LPAR1: variants seen among roughly 807,000 people sequenced by gnomAD.
The protein encoded by LPAR1 is lysophosphatidic acid receptor 1.
A neutral mutation model predicts 23.8 loss-of-function variants in LPAR1; 5 were observed. The observed-to-expected ratio is 0.21, with a 90% CI of 0.11 to 0.44. The LOEUF (loss-of-function observed/expected upper bound fraction) is 0.44, where lower values mean the gene tolerates loss of function less well. Among genes scored for constraint, LPAR1 ranks in the 20% least tolerant of loss-of-function variants. LPAR1 has a pLI of 0.99. For missense variants in LPAR1, 311 were observed against 482.8 expected (o/e 0.64, Z 3.33); for synonymous variants, 160 against 164.7 (o/e 0.97, Z 0.22).
At chr9:110,981,998 A>G (rs1397171593) in intron 2 of LPAR1, among the ~76,000 whole-genome samples, 1 of 152,142 alleles carries the variant, frequency 6.6e-6, no homozygotes, top group Non-Finnish European at 1.5e-5. Flanking sequence ...GGATGTGGGG[A>G]AAATAGGAAT....
At chr9:110,957,517 A>T (rs1355895477) in intron 4 of LPAR1, among the ~76,000 whole-genome samples, 1 of 152,106 alleles carries the variant, frequency 6.6e-6, no homozygotes, top group Non-Finnish European at 1.5e-5. Flanking sequence ...GATGCAAAAA[A>T]AATTGATAAA....
At chr9:111,021,006 G>A (rs896486275) in intron 2 of LPAR1, among the ~76,000 whole-genome samples, 3 of 152,046 alleles carry the variant, frequency 2.0e-5, no homozygotes, top group African/African-American at 7.2e-5. Flanking sequence ...CAAAAAATAA[G>A]AACGAGTGTA....
At chr9:110,912,866 GGACTGTCC>G (rs1030500951) in intron 5 of LPAR1, among the ~76,000 whole-genome samples, 5 of 152,026 alleles carry the variant, frequency 3.3e-5, no homozygotes, top group Admixed American at 6.6e-5. Context: ...GCCTCTCTTG[GGACTGTCC>G]CAAATAATAA....
At chr9:110,984,122 T>C (rs2096730349) in intron 2 of LPAR1, among the ~76,000 whole-genome samples, 1 of 152,070 alleles carries the variant, frequency 6.6e-6, no homozygotes, top group Middle Eastern at 3.4e-3. Context: ...AACAATCCAA[T>C]AATCCAACTA....
At chr9:110,932,823 C>A (rs1003491479) in intron 5 of LPAR1, among the ~76,000 whole-genome samples, 8 of 152,344 alleles carry the variant, frequency 5.3e-5, no homozygotes, top group African/African-American at 1.7e-4. Flanking sequence ...ACCATCCCCC[C>A]TCCTCCAACC....
chr9:110,961,320 A>G (rs561973577), intron 4 of LPAR1, among the ~76,000 whole-genome samples: 2 of 148,594 alleles, frequency 1.3e-5, no homozygotes, highest in Admixed American at 6.7e-5. Flanking sequence ...GTAACTTATT[A>G]AAAAAAAAAG....
chr9:110,947,342 A>G (rs1259757158), intron 4 of LPAR1, among the ~76,000 whole-genome samples: 1 of 152,226 alleles, frequency 6.6e-6, no homozygotes, highest in African/African-American at 2.4e-5. Context: ...ATAAGATAGC[A>G]TTATTCCCAA....
At chr9:110,997,871 C>A (rs183422090) in intron 2 of LPAR1, among the ~76,000 whole-genome samples, 1 of 152,094 alleles carries the variant, frequency 6.6e-6, no homozygotes, top group Non-Finnish European at 1.5e-5. Context: ...AGATGCTGTG[C>A]GAGAGAGAAC....
intron 4 of LPAR1, among the ~76,000 whole-genome samples, chr9:110,970,479 T>C (rs1299979106): frequency 3.9e-5 from 6 of 152,150 alleles, no homozygotes; most frequent in Non-Finnish European, 5.9e-5. Context: ...CGTATGACGA[T>C]GGTAACACTA....
chr9:111,025,484 C>T (rs2141274279), intron 2 of LPAR1, among the ~76,000 whole-genome samples: 1 of 152,230 alleles, frequency 6.6e-6, no homozygotes, highest in East Asian at 1.9e-4. Context: ...CATTTTCTCC[C>T]ACTCTGTAGG....
In LPAR1 at chr9:110,908,182, T is replaced by C. The variant is rs2091701677; in HGVS notation, c.794-32460A>G. Among the ~76,000 whole-genome samples the C allele has an allele frequency of 3.3e-5, 5 of 151,658 alleles. No homozygotes were observed. The South Asian group carries it at 1.0e-3, about 31-fold the overall frequency. On this transcript the variant is annotated intron_variant, in intron 5 of 5. Coordinates refer to ENST00000683809, the MANE Select transcript of LPAR1 (RefSeq NM_001351411.2). Reference sequence around the variant, plus strand: ...CTATTTAAACTAGGAACTAAAGTATTATTAATTTTAAATATCTAAATGTTT... The same window carrying C: ...CTATTTAAACTAGGAACTAAAGTATCATTAATTTTAAATATCTAAATGTTT...
At chr9:110,980,852 T>C (rs918398799) in intron 2 of LPAR1, among the ~76,000 whole-genome samples, 4 of 152,112 alleles carry the variant, frequency 2.6e-5, no homozygotes, top group African/African-American at 4.8e-5. Flanking sequence ...AATTTGATCA[T>C]TACACATTGT....
chr9:110,937,477 C>CCT (rs1355921486), intron 5 of LPAR1, among the ~76,000 whole-genome samples: 1 of 152,186 alleles, frequency 6.6e-6, no homozygotes, highest in East Asian at 1.9e-4. Flanking sequence ...AGTTACCTAA[C>CCT]CTCTCCTTAC....
chr9:110,910,083 C>T (rs745581592), intron 5 of LPAR1, among the ~76,000 whole-genome samples: 15 of 152,166 alleles, frequency 9.9e-5, no homozygotes, highest in Non-Finnish European at 1.3e-4. Flanking sequence ...AGTTTCACAA[C>T]ATAACTGACC....
intron 5 of LPAR1, among the ~76,000 whole-genome samples, chr9:110,923,759 C>T (rs73655680): frequency 0.016 from 2,468 of 152,244 alleles, 59 homozygotes; most frequent in African/African-American, 0.056. Context: ...ATTGCTCAAG[C>T]GGACTCTGCT....
chr9:111,011,600 C>T (rs2097332691), intron 2 of LPAR1, among the ~76,000 whole-genome samples: 1 of 152,204 alleles, frequency 6.6e-6, no homozygotes, highest in Admixed American at 6.5e-5. Context: ...TCCTCTGTCT[C>T]ATAATTCTAT....
chr9:111,023,760 A>AT (rs1651085428), intron 2 of LPAR1, among the ~76,000 whole-genome samples: 2 of 152,366 alleles, frequency 1.3e-5, no homozygotes, highest in South Asian at 4.1e-4. Flanking sequence ...ATGAGTTATA[A>AT]CCAGTACTTT....
At chr9:110,942,760 C>T (rs1368017812) in intron 4 of LPAR1, among the ~76,000 whole-genome samples, 2 of 152,180 alleles carry the variant, frequency 1.3e-5, no homozygotes, top group Non-Finnish European at 2.9e-5. Flanking sequence ...CTGTGGTCAG[C>T]ACTGCCTACC....
intron 4 of LPAR1, among the ~76,000 whole-genome samples, chr9:110,947,000 A>G (rs2136391691): frequency 6.7e-6 from 1 of 149,494 alleles, no homozygotes; most frequent in East Asian, 2.0e-4. Context: ...TGATTCAAAA[A>G]CCACTGAACT....
Sources: gnomAD v4.1 joint callset for allele counts (sites outside exome capture counted in the v4.1 genomes callset) on GRCh38, gnomAD v4.1.1 for gene constraint, MANE v1.5 for transcripts, NCBI Gene and HGNC (gene_info 2026-07-23, HGNC 2026-07-21) for gene names.